ZNF280A: variants seen among roughly 807,000 people sequenced by gnomAD.
ZNF280A encodes suppressor of hairy wing homolog 1.
ZNF280A carries 26 observed loss-of-function variants against 35.9 expected under a neutral mutation model. The ratio of observed to expected loss-of-function variants is 0.72; its 90% CI spans 0.53 to 1.01. The LOEUF (loss-of-function observed/expected upper bound fraction) is 1.01, where lower values mean the gene tolerates loss of function less well. ZNF280A is among the 50% of genes least tolerant of loss of function. The probability of loss-of-function intolerance (pLI) is 0.00; values close to 1 mark genes in which losing one functional copy is unlikely to be tolerated. For missense variants in ZNF280A, 654 were observed against 652.0 expected, an observed-to-expected ratio of 1.00 and a Z score of -0.03; for synonymous variants, 231 against 232.9, an observed-to-expected ratio of 0.99 and a Z score of 0.07.
At position 22,513,956 on chromosome 22, in the gene ZNF280A, C is replaced by T; in HGVS notation, c.*46G>A. On this transcript the variant is annotated 3_prime_UTR_variant, in exon 2 of 2. Coordinates refer to ENST00000302097, the MANE Select transcript of ZNF280A (RefSeq NM_080740.5). ...AGCCACAATGCACATATGGCCTAGCCTCACTTCTGCCTTTCGGAACTCCTG... is the reference window on the plus strand; with the variant it reads ...AGCCACAATGCACATATGGCCTAGCTTCACTTCTGCCTTTCGGAACTCCTG... The T allele has an allele frequency of 9.1e-7, 1 of 1,093,858 alleles. No individual in the cohort carries two copies. Among genetic ancestry groups the T allele is most frequent in the Non-Finnish European group, 1.4e-6 (1 of 740,280 alleles). 67.8% of individuals were successfully genotyped at this position (1,093,858 alleles called of 1,614,324 possible). A position where few individuals can be genotyped will look rare whatever the true frequency, so the allele number is the denominator to read the frequency against.
rs1322032367 is a variant in ZNF280A, at chr22:22,515,137, G to A, written c.494C>T (p.Ser165Leu). Residue 165 changes from serine (S) to leucine (L), a missense_variant, in exon 2 of 2, where the codon TCA becomes TTA. By Grantham distance (145) the Ser-to-Leu change is moderately radical (BLOSUM62 -2). Coordinates refer to ENST00000302097, the MANE Select transcript of ZNF280A (RefSeq NM_080740.5). ...GGGRNESSPD[S>L]KRLSTSDINS... The stretch of plus-strand genomic sequence containing the variant: ...TATATCTGAAGTGGAAAGTCGCTTT[G>A]AATCAGGAGAACTCTCATTTCTGCC... The A allele has an allele frequency of 6.2e-7, 1 of 1,613,882 alleles. No homozygotes were observed. The highest frequency in any genetic ancestry group is 8.5e-7 in the Non-Finnish European group (1 of 1,179,978).
In ZNF280A at chr22:22,515,375, C is replaced by T. The variant is rs770309041; in HGVS notation, c.256G>A (p.Val86Met). ...KGHFRQYPAH[V>M]SQPANHVTSM... ...GTCACATGATTTGCAGGCTGCGACACGTGAGCAGGATATTGACGGAAGTGG... is the reference window on the plus strand; with the variant it reads ...GTCACATGATTTGCAGGCTGCGACATGTGAGCAGGATATTGACGGAAGTGG... The change falls in exon 2 of 2, where the codon GTG becomes ATG. Residue 86 changes from valine (V) to methionine (M), a missense_variant. Physicochemically the swap from Val to Met is conservative, Grantham distance 21. Transcript: ENST00000302097. 101 of 1,613,744 alleles carry T rather than the reference C, an allele frequency of 6.3e-5. 1 individual carries two copies. The South Asian group carries it at 1.0e-3, about 16-fold the overall frequency.
In ZNF280A at chr22:22,514,546, G is replaced by C; in HGVS notation, c.1085C>G (p.Pro362Arg). 1.2e-6 allele frequency: 2 copies of C among 1,613,908 alleles called. No homozygotes were observed. The highest frequency in any genetic ancestry group is 1.7e-6 in the Non-Finnish European group (2 of 1,179,994). Reference sequence around the variant, plus strand: ...TTCACAGATTTTACAGACAGCAGAGGGCCCCATGGCGATGTGTACACTATC... The same window carrying C: ...TTCACAGATTTTACAGACAGCAGAGCGCCCCATGGCGATGTGTACACTATC... ...HIDSVHIAMG[P>R]SAVCKICELS... The change falls in exon 2 of 2, where the codon CCC (proline) becomes CGC (arginine). Residue 362 changes from proline (P) to arginine (R), a missense_variant. Physicochemically the swap from Pro to Arg is moderately radical, Grantham distance 103. Coordinates refer to ENST00000302097, the MANE Select transcript of ZNF280A (RefSeq NM_080740.5).
chr22:22,515,297 C>G lies in ZNF280A; in HGVS notation c.334G>C (p.Asp112His), dbSNP rs1418187387. The stretch of plus-strand genomic sequence containing the variant: ...GAAGACTTCATAGTGACAGGACTAT[C>G]TGTCGATCGCCCCTCAGACAGAGAA... ...PVSLSEGRST[D>H]SPVTMKSSSE... The change falls in exon 2 of 2, where the codon GAT (aspartate) becomes CAT (histidine). Residue 112 changes from aspartate (D) to histidine (H), a missense_variant. By Grantham distance (81) the Asp-to-His change is moderately conservative. Transcript: ENST00000302097. The G allele has an allele frequency of 3.7e-6, 6 of 1,613,890 alleles. No individual in the cohort carries two copies. In the South Asian group the frequency reaches 5.5e-5, roughly 15 times the overall value.
At chr22:22,515,801 C>T in intron 1 of ZNF280A, 100 bp from the exon 2 acceptor site, 14 of 1,070,792 alleles carry the variant, frequency 1.3e-5, no homozygotes, top group Non-Finnish European at 1.8e-5. Context: ...CCATCAACAT[C>T]TCTATTTTAC....
chr22:22,515,105 T>C lies in ZNF280A; in HGVS notation c.526A>G (p.Arg176Gly). ...KRLSTSDINS[R>G]DSKRVKLRDG... ...CTGAGTTTAACCCTTTTGGAATCTC[T>C]GCTGTTTATATCTGAAGTGGAAAGT... Residue 176 changes from arginine to glycine, a missense_variant, in exon 2 of 2, where the codon AGA (arginine) becomes GGA (glycine). Transcript: ENST00000302097. 1 of 1,613,924 alleles carries C rather than the reference T, an allele frequency of 6.2e-7. No individual in the cohort carries two copies. Among genetic ancestry groups the C allele is most frequent in the Non-Finnish European group, 8.5e-7 (1 of 1,179,990 alleles).
chr22:22,515,305 C>A lies in ZNF280A; in HGVS notation c.326G>T (p.Arg109Leu). The stretch of plus-strand genomic sequence containing the variant: ...CATAGTGACAGGACTATCTGTCGAT[C>A]GCCCCTCAGACAGAGAAACCGGCAT... Reference protein sequence around the residue: ...AIMPVSLSEGRSTDSPVTMKS... With the variant: ...AIMPVSLSEGLSTDSPVTMKS... Residue 109 changes from arginine (R) to leucine (L), a missense_variant, in exon 2 of 2, where the codon CGA becomes CTA. Arg to Leu is a moderately radical substitution (Grantham distance 102). Transcript: ENST00000302097. 10 of 1,613,830 alleles carry A rather than the reference C, an allele frequency of 6.2e-6. No homozygotes were observed. Among genetic ancestry groups the A allele is most frequent in the Non-Finnish European group, 8.5e-6 (10 of 1,179,956 alleles).
chr22:22,519,874 A>T (rs576478970), intron 1 of ZNF280A, among the ~76,000 whole-genome samples: 38 of 152,108 alleles, frequency 2.5e-4, no homozygotes, highest in Non-Finnish European at 3.5e-4. Context: ...CTTAAAATTT[A>T]TGTATTGCCT....
At position 22,514,173 on chromosome 22, in the gene ZNF280A, C is replaced by T. The variant is rs361762; in HGVS notation, c.1458G>A (p.Leu486=). 6.2e-7 allele frequency: 1 copy of T among 1,612,932 alleles called. No homozygotes were observed. Among genetic ancestry groups the T allele is most frequent in the Non-Finnish European group, 8.5e-7 (1 of 1,179,734 alleles). ...TFKKPEQLQG[L]PSETKVIIQT... ...GAATAATAACTTTTGTTTCACTAGG[C>T]AACCCTTGCAGTTGCTCCGGCTTTT... The change falls in exon 2 of 2, where the codon TTG becomes TTA. Residue 486 remains leucine, a synonymous_variant. Coordinates refer to ENST00000302097, the MANE Select transcript of ZNF280A (RefSeq NM_080740.5).
Position 22,514,581 on chromosome 22 carries a change from C to A in ZNF280A, c.1050G>T (p.Gln350His). The A allele has an allele frequency of 2.5e-6, 4 of 1,613,950 alleles. No homozygotes were observed. The highest frequency in any genetic ancestry group is 3.3e-4 in the Middle Eastern group (2 of 6,054). The change falls in exon 2 of 2, where the codon CAG (glutamine) becomes CAT (histidine). Residue 350 changes from glutamine (Q) to histidine (H), a missense_variant. Coordinates refer to ENST00000302097, the MANE Select transcript of ZNF280A (RefSeq NM_080740.5). ...HRQFPTPFQL[Q>H]CHIDSVHIAM... Reference sequence around the variant, plus strand: ...CGATGTGTACACTATCAATGTGACACTGTAGCTGGAAGGGAGTGGGAAACT... The same window carrying A: ...CGATGTGTACACTATCAATGTGACAATGTAGCTGGAAGGGAGTGGGAAACT...
rs546508778 is a variant in ZNF280A at position 22,516,035 on chromosome 22, C to G, written c.-71-334G>C. On this transcript the variant is annotated intron_variant, in intron 1 of 1. Transcript: ENST00000302097. ...CTCTCAGATGTCTAAGGTTTCTAAC[C>G]AACTTGAACAAAACTTCTCTCAAAA... Among the ~76,000 whole-genome samples the G allele has an allele frequency of 9.2e-5, 14 of 151,898 alleles. No individual in the cohort carries two copies. The South Asian group carries it at 2.7e-3, about 29-fold the overall frequency.
At position 22,514,528 on chromosome 22, in the gene ZNF280A, A is replaced by G. The variant is rs1240583291; in HGVS notation, c.1103T>C (p.Ile368Thr). Residue 368 changes from isoleucine to threonine, a missense_variant, in exon 2 of 2, where the codon ATC (isoleucine) becomes ACC (threonine). Coordinates refer to ENST00000302097, the MANE Select transcript of ZNF280A (RefSeq NM_080740.5). Reference sequence around the variant, plus strand: ...ATCTGTTTCAAATGACAATTCACAGATTTTACAGACAGCAGAGGGCCCCAT... The same window carrying G: ...ATCTGTTTCAAATGACAATTCACAGGTTTTACAGACAGCAGAGGGCCCCAT... Reference protein sequence around the residue: ...IAMGPSAVCKICELSFETDQV... With the variant: ...IAMGPSAVCKTCELSFETDQV... 3.7e-6 allele frequency: 6 copies of G among 1,613,806 alleles called. No homozygotes were observed. Among genetic ancestry groups the G allele is most frequent in the Non-Finnish European group, 5.1e-6 (6 of 1,179,992 alleles).
chr22:22,516,106 C>CA (rs1208442470), intron 1 of ZNF280A, among the ~76,000 whole-genome samples: 3 of 151,576 alleles, frequency 2.0e-5, no homozygotes, highest in Admixed American at 1.3e-4. Flanking sequence ...CCCATCTCTA[C>CA]AAAAAAATTT....
At position 22,514,788 on chromosome 22, in the gene ZNF280A, A is replaced by G. The variant is rs766130926; in HGVS notation, c.843T>C (p.Tyr281=). The part of the protein sequence containing the change: ...NPIVLLSDFY[Y]GQHKGDGQPE... ...GCTGCCCATCTCCTTTATGCTGTCC[A>G]TAGTAAAAGTCGCTAAGTAACACGA... is the stretch of plus-strand genomic sequence containing the variant. Residue 281 remains tyrosine (Y), a synonymous_variant, in exon 2 of 2, where the codon TAT becomes TAC. Coordinates refer to ENST00000302097, the MANE Select transcript of ZNF280A (RefSeq NM_080740.5). 3.1e-6 allele frequency: 5 copies of G among 1,613,930 alleles called. No individual in the cohort carries two copies. The Admixed American group carries it at 5.0e-5, about 16-fold the overall frequency.
intron 1 of ZNF280A, among the ~76,000 whole-genome samples, chr22:22,519,426 T>C (rs1270029082): frequency 6.6e-6 from 1 of 151,844 alleles, no homozygotes; most frequent in African/African-American, 2.4e-5. Flanking sequence ...AGAGTGAAAC[T>C]CCGTTTCAAA....
rs2062067632 is a variant in ZNF280A, at chr22:22,516,224, T to G, written c.-71-523A>C. On this transcript the variant is annotated intron_variant, in intron 1 of 1. Coordinates refer to ENST00000302097, the MANE Select transcript of ZNF280A (RefSeq NM_080740.5). The stretch of plus-strand genomic sequence containing the variant: ...TGAGCCCAGGACTTCAAAGCTATGT[T>G]CATGCCACTGCACTCCAGCCTGGGC... 2.0e-5 allele frequency among the ~76,000 whole-genome samples: 3 copies of G among 151,540 alleles called. No homozygotes were observed. The South Asian group carries it at 6.2e-4, about 32-fold the overall frequency.
rs1031134723 is a variant in ZNF280A at position 22,515,467 on chromosome 22, G to A, written c.164C>T (p.Ser55Leu). Reference protein sequence around the residue: ...EVLFVGMISNSKPVVSNILNR... With the variant: ...EVLFVGMISNLKPVVSNILNR... Reference sequence around the variant, plus strand: ...CAAAATGTTTGAAACGACTGGTTTTGAATTTGAAATCATCCCGACAAAGAG... The same window carrying A: ...CAAAATGTTTGAAACGACTGGTTTTAAATTTGAAATCATCCCGACAAAGAG... The change falls in exon 2 of 2, where the codon TCA becomes TTA. Residue 55 changes from serine (S) to leucine (L), a missense_variant. Ser to Leu is a moderately radical substitution (Grantham distance 145, BLOSUM62 -2). Coordinates refer to ENST00000302097, the MANE Select transcript of ZNF280A (RefSeq NM_080740.5). The A allele has an allele frequency of 6.8e-6, 11 of 1,613,690 alleles. No homozygotes were observed. The highest frequency in any genetic ancestry group is 6.7e-5 in the Admixed American group (4 of 59,920).
In ZNF280A at chr22:22,515,397, G is replaced by A. The variant is rs1468680683; in HGVS notation, c.234C>T (p.His78=). 6.2e-7 allele frequency: 1 copy of A among 1,613,862 alleles called. No individual in the cohort carries two copies. Among genetic ancestry groups the A allele is most frequent in the Non-Finnish European group, 8.5e-7 (1 of 1,179,968 alleles). The change falls in exon 2 of 2, where the codon CAC becomes CAT. Residue 78 remains histidine, a synonymous_variant. Coordinates refer to ENST00000302097, the MANE Select transcript of ZNF280A (RefSeq NM_080740.5). ...ACACGTGAGCAGGATATTGACGGAA[G>A]TGGCCTTTCTTTCTTCTTGAATTTG... ...PGSNSRRKKG[H]FRQYPAHVSQ...
intron 1 of ZNF280A, among the ~76,000 whole-genome samples, chr22:22,518,956 C>G (rs942899454): frequency 1.4e-4 from 21 of 151,562 alleles, no homozygotes; most frequent in Non-Finnish European, 4.4e-5. Context: ...CAGTAGTACC[C>G]CCTTATCTTT....
Sources: gnomAD v4.1 joint callset for allele counts (sites outside exome capture counted in the v4.1 genomes callset) on GRCh38, gnomAD v4.1.1 for gene constraint, MANE v1.5 for transcripts, NCBI Gene and HGNC (gene_info 2026-07-23, HGNC 2026-07-21) for gene names.